Variants in IGF2BP2 observed in about 807,000 individuals in gnomAD.
IGF2BP2 encodes the protein insulin like growth factor 2 mRNA binding protein 2.
IGF2BP2 carries 17 observed loss-of-function variants against 75.8 expected under a neutral mutation model. The ratio of observed to expected loss-of-function variants is 0.22; its 90% CI spans 0.15 to 0.34. The LOEUF (loss-of-function observed/expected upper bound fraction) is 0.34. Among genes scored for constraint, IGF2BP2 ranks in the 10% least tolerant of loss-of-function variants. The pLI is 1.00. For synonymous variants in IGF2BP2, 288 were observed against 295.6 expected, an observed-to-expected ratio of 0.97 and a Z score of 0.26; for missense variants, 516 against 772.4, an observed-to-expected ratio of 0.67 and a Z score of 3.93.
chr3:185,820,577 C>A (rs1385262937), intron 2 of IGF2BP2, among the ~76,000 whole-genome samples: 1 of 151,962 alleles, frequency 6.6e-6, no homozygotes, highest in African/African-American at 2.4e-5. Context: ...TTCTAAGTGA[C>A]CCTGAGAAAA....
At chr3:185,779,920 T>G (rs1337572492) in intron 2 of IGF2BP2, among the ~76,000 whole-genome samples, 1 of 152,234 alleles carries the variant, frequency 6.6e-6, no homozygotes, top group Non-Finnish European at 1.5e-5. Context: ...GAGAAATACT[T>G]GTATATAAGC....
At chr3:185,689,727 G>C in intron 5 of IGF2BP2, 100 bp from the exon 6 acceptor site, 1 of 1,347,688 alleles carries the variant, frequency 7.4e-7, no homozygotes, top group South Asian at 1.2e-5. Flanking sequence ...CCAGCACTTT[G>C]GGAGGCCGAG....
At chr3:185,756,562 T>G (rs1731647593) in intron 2 of IGF2BP2, among the ~76,000 whole-genome samples, 1 of 152,180 alleles carries the variant, frequency 6.6e-6, no homozygotes. Flanking sequence ...ATATCCTAGT[T>G]CAGGCTCTTA....
chr3:185,816,393 T>C (rs1443136984), intron 2 of IGF2BP2, among the ~76,000 whole-genome samples: 1 of 152,230 alleles, frequency 6.6e-6, no homozygotes, highest in Admixed American at 6.5e-5. Flanking sequence ...ACTATTTTTT[T>C]CTAAAAACTA....
chr3:185,704,732 G>A (rs1043817650), intron 2 of IGF2BP2, among the ~76,000 whole-genome samples: 1 of 152,222 alleles, frequency 6.6e-6, no homozygotes, highest in African/African-American at 2.4e-5. Flanking sequence ...TTACAGGCAT[G>A]AGCCACCACG....
intron 11 of IGF2BP2, 126 bp downstream of exon 11, chr3:185,658,215 C>A (rs1054844908): frequency 5.3e-6 from 5 of 939,616 alleles, no homozygotes; most frequent in Non-Finnish European, 8.5e-6. Context: ...AGGTGTGTCA[C>A]TCCCAGGACA....
intron 2 of IGF2BP2, among the ~76,000 whole-genome samples, chr3:185,745,064 A>G (rs1730070469): frequency 6.6e-6 from 1 of 152,180 alleles, no homozygotes; most frequent in South Asian, 2.1e-4. Flanking sequence ...TGTGCGGCAG[A>G]GCCAGGAGGA....
chr3:185,817,940 G>C (rs1740816648), intron 2 of IGF2BP2, among the ~76,000 whole-genome samples: 1 of 152,268 alleles, frequency 6.6e-6, no homozygotes, highest in Non-Finnish European at 1.5e-5. Flanking sequence ...AAGTTTTAGA[G>C]CATGAACTCT....
At chr3:185,733,538 C>T (rs1323377067) in intron 2 of IGF2BP2, among the ~76,000 whole-genome samples, 3 of 152,210 alleles carry the variant, frequency 2.0e-5, no homozygotes, top group Non-Finnish European at 4.4e-5. Flanking sequence ...AGGCGGATCA[C>T]CTGAGGTCGG....
intron 2 of IGF2BP2, among the ~76,000 whole-genome samples, chr3:185,815,310 T>C (rs933029070): frequency 3.9e-5 from 6 of 152,234 alleles, no homozygotes; most frequent in Non-Finnish European, 5.9e-5. Context: ...GCATAGGTTT[T>C]ATATATGGAA....
chr3:185,762,738 A>G (rs780471782), intron 2 of IGF2BP2, among the ~76,000 whole-genome samples: 38 of 152,136 alleles, frequency 2.5e-4, no homozygotes, highest in Non-Finnish European at 5.0e-4. Context: ...AGCAGCCTTC[A>G]AGAGGGGAGA....
intron 2 of IGF2BP2, among the ~76,000 whole-genome samples, chr3:185,736,768 C>T (rs906833965): frequency 6.6e-6 from 1 of 152,226 alleles, no homozygotes; most frequent in African/African-American, 2.4e-5. Flanking sequence ...TCTGCGATGT[C>T]GGACTGCACA....
intron 2 of IGF2BP2, among the ~76,000 whole-genome samples, chr3:185,705,675 G>A (rs1183105959): frequency 1.3e-5 from 2 of 152,200 alleles, no homozygotes; most frequent in Non-Finnish European, 2.9e-5. Context: ...AGTTCTGGAG[G>A]CTGGGAAGTC....
chr3:185,727,319 G>C (rs1247497266), intron 2 of IGF2BP2, among the ~76,000 whole-genome samples: 1 of 152,166 alleles, frequency 6.6e-6, no homozygotes, highest in African/African-American at 2.4e-5. Flanking sequence ...CGGAAGGTTA[G>C]TCTGGGCAGA....
intron 2 of IGF2BP2, among the ~76,000 whole-genome samples, chr3:185,800,718 A>AAAAGGAAAGAAAGAAAGAAAGAAAG (rs1738111250): frequency 7.0e-6 from 1 of 143,290 alleles, no homozygotes; most frequent in African/African-American, 2.7e-5. Flanking sequence ...GAGCCAAAAA[A>AAAAGGAAAGAAAGAAAGAAAGAAAG]AAAGAAAGAA....
intron 2 of IGF2BP2, among the ~76,000 whole-genome samples, chr3:185,815,998 G>C (rs554105228): frequency 6.6e-6 from 1 of 152,146 alleles, no homozygotes; most frequent in Non-Finnish European, 1.5e-5. Context: ...AGTACAGAAA[G>C]TGACGTAGAG....
Position 185,823,138 on chromosome 3 carries a change from G to A in IGF2BP2, c.239+15C>T, listed in dbSNP as rs758301071. 1.3e-6 allele frequency: 2 copies of A among 1,559,112 alleles called. No homozygotes were observed. Among genetic ancestry groups the A allele is most frequent in the East Asian group, 2.3e-5 (1 of 43,678 alleles). On this transcript the variant is annotated intron_variant, in intron 2 of 15. Transcript: ENST00000382199. Reference sequence around the variant, plus strand: ...AGGCCAATCGCAAAAAAAAAACTAAGCAAAGTATATTTACCTTAGCTTTTT... The same window carrying A: ...AGGCCAATCGCAAAAAAAAAACTAAACAAAGTATATTTACCTTAGCTTTTT...
intron 2 of IGF2BP2, among the ~76,000 whole-genome samples, chr3:185,810,576 T>A (rs182218111): frequency 1.4e-3 from 220 of 152,086 alleles, no homozygotes; most frequent in African/African-American, 5.0e-3. Flanking sequence ...GAGTTCAAGA[T>A]CAGCCTGGCC....
chr3:185,725,101 C>G (rs1727129068), intron 2 of IGF2BP2: 1 of 152,198 alleles, frequency 6.6e-6, no homozygotes, highest in African/African-American at 2.4e-5. Flanking sequence ...CAATTCACCC[C>G]AGCTTTTGAA....
Sources: gnomAD v4.1 joint callset for allele counts (sites outside exome capture counted in the v4.1 genomes callset) on GRCh38, gnomAD v4.1.1 for gene constraint, MANE v1.5 for transcripts, NCBI Gene and HGNC (gene_info 2026-07-23, HGNC 2026-07-21) for gene names.